The following BRWD1 variants were observed in gnomAD, a reference collection of about 807,000 sequenced individuals.
BRWD1 encodes bromodomain and WD repeat domain containing 1, also known as bromodomain and WD repeat-containing protein 1.
A neutral mutation model predicts 251.2 loss-of-function variants in BRWD1; 82 were observed. The ratio of observed to expected loss-of-function variants is 0.33; its 90% CI spans 0.27 to 0.39. The LOEUF (loss-of-function observed/expected upper bound fraction) is 0.39, where lower values mean the gene tolerates loss of function less well. Among genes scored for constraint, BRWD1 ranks in the 10% least tolerant of loss-of-function variants. BRWD1 has a pLI of 1.00. For synonymous variants in BRWD1, 918 were observed against 902.8 expected (o/e 1.02, Z -0.30); for missense variants, 2,233 against 2,711.6 (o/e 0.82, Z 3.92).
At chr21:39,224,358 G>T in intron 29 of BRWD1, 50 bp downstream of exon 29, 1 of 1,136,582 alleles carries the variant, frequency 8.8e-7, no homozygotes, top group Non-Finnish European at 1.3e-6. Flanking sequence ...ACTGGCAAAT[G>T]TACATATTAT....
At chr21:39,210,952 A>C in intron 34 of BRWD1, 23 bp from the exon 35 acceptor site, 1 of 1,603,946 alleles carries the variant, frequency 6.2e-7, no homozygotes, top group Non-Finnish European at 8.5e-7. Flanking sequence ...TCACAGTCTT[A>C]AGAAAAATCA....
At chr21:39,270,095 A>T in intron 14 of BRWD1, 62 bp from the exon 15 acceptor site, 1 of 1,390,184 alleles carries the variant, frequency 7.2e-7, no homozygotes, top group South Asian at 1.7e-5. Context: ...AAAATTTAAA[A>T]ATACATACTG....
rs762215752 is a variant in BRWD1 at position 39,199,220 on chromosome 21, A to G, written c.5196T>C (p.Asn1732=). 2.5e-6 allele frequency: 4 copies of G among 1,613,992 alleles called. No individual in the cohort carries two copies. The highest frequency in any genetic ancestry group is 2.2e-5 in the South Asian group (2 of 91,066). ...SESDLRVARK[N]WHANGYKSHT... Reference sequence around the variant, plus strand: ...GGGACTTGTAACCATTAGCATGCCAATTTTTCCGGGCTACCCGCAAATCAC... The same window carrying G: ...GGGACTTGTAACCATTAGCATGCCAGTTTTTCCGGGCTACCCGCAAATCAC... The change falls in exon 40 of 41, where the codon AAT becomes AAC. Residue 1732 remains asparagine (N), a synonymous_variant. Transcript: ENST00000342449.
In BRWD1 at chr21:39,255,280, CGG is replaced by C. The variant is rs1568920689; in HGVS notation, c.2255+363_2255+364del. Among the ~76,000 whole-genome samples, 463 of 151,732 alleles carry C rather than the reference CGG, an allele frequency of 3.1e-3. 2 individuals carry two copies. Among genetic ancestry groups the C allele is most frequent in the African/African-American group, 0.011 (443 of 41,362 alleles). ...ATAAAAAATTAGCTGGGTGTGGTGG[CGG>C]GCGCCTGTAAGCCCAGCTACTCAGG... On this transcript the variant is annotated intron_variant, in intron 19 of 40. Transcript: ENST00000342449.
chr21:39,235,806 G>A (rs146885885), intron 23 of BRWD1: 2 of 176,664 alleles, frequency 1.1e-5, no homozygotes, highest in Non-Finnish European at 2.5e-5. Flanking sequence ...CCCTATGCCA[G>A]CACCCAGTTT....
intron 15 of BRWD1, among the ~76,000 whole-genome samples, 169 bp from the exon 16 acceptor site, chr21:39,265,188 T>G (rs988038092): frequency 1.3e-5 from 2 of 150,030 alleles, no homozygotes; most frequent in Non-Finnish European, 3.0e-5. Context: ...CTTTATGAGG[T>G]GGAAGCAGGT....
intron 8 of BRWD1, among the ~76,000 whole-genome samples, chr21:39,282,775 T>C (rs762619650): frequency 1.3e-5 from 2 of 152,018 alleles, no homozygotes; most frequent in Non-Finnish European, 2.9e-5. Flanking sequence ...CTGATCAACA[T>C]GGTGAAACCC....
chr21:39,197,560 A>G, intron 40 of BRWD1, 145 bp from the exon 41 acceptor site: 1 of 655,708 alleles, frequency 1.5e-6, no homozygotes, highest in South Asian at 2.1e-5. Context: ...TAGTATAGTC[A>G]TATGTTGCTC....
At chr21:39,295,647 G>A in intron 7 of BRWD1, 96 bp downstream of exon 7, 2 of 1,040,676 alleles carry the variant, frequency 1.9e-6, no homozygotes, top group Non-Finnish European at 2.7e-6. Context: ...CAAAATCTCT[G>A]AGGATGGGAA....
At chr21:39,213,355 T>C in intron 33 of BRWD1, 126 bp downstream of exon 33, 1 of 786,062 alleles carries the variant, frequency 1.3e-6, no homozygotes, top group African/African-American at 1.8e-5. Flanking sequence ...AATATAATTT[T>C]ATCAAATGCC....
At chr21:39,271,063 G>A (rs749810495) in intron 13 of BRWD1, among the ~76,000 whole-genome samples, 15 of 152,120 alleles carry the variant, frequency 9.9e-5, no homozygotes, top group South Asian at 2.1e-4. Flanking sequence ...GGGAGACCGA[G>A]GCAGGCAGAT....
At chr21:39,219,991 A>ATCGG (rs749023375) in intron 29 of BRWD1, among the ~76,000 whole-genome samples, 2 of 152,162 alleles carry the variant, frequency 1.3e-5, no homozygotes. Context: ...CATCAAAAGG[A>ATCGG]AGAGGAAAGA....
At chr21:39,265,859 A>ATCC (rs2034902544) in intron 15 of BRWD1, among the ~76,000 whole-genome samples, 2 of 152,250 alleles carry the variant, frequency 1.3e-5, no homozygotes, top group Admixed American at 1.3e-4. Flanking sequence ...ACCCTAACAG[A>ATCC]GATTTCAGAA....
chr21:39,200,436 C>G, intron 38 of BRWD1, 50 bp from the exon 39 acceptor site: 1 of 1,504,094 alleles, frequency 6.6e-7, no homozygotes, highest in Non-Finnish European at 9.0e-7. Flanking sequence ...TGTCTTTACA[C>G]ACATAAGCAA....
chr21:39,293,114 C>T (rs1267146971), intron 8 of BRWD1, among the ~76,000 whole-genome samples: 2 of 152,126 alleles, frequency 1.3e-5, no homozygotes, highest in Non-Finnish European at 2.9e-5. Context: ...TTGACAGATA[C>T]ATAGGGGTTT....
At position 39,188,623 on chromosome 21, in the gene BRWD1, G is replaced by GTTCA. The variant is rs2031379439; in HGVS notation, c.*7632_*7635dup. 1 of 985,308 alleles carries GTTCA rather than the reference G, an allele frequency of 1.0e-6. No individual in the cohort carries two copies. Among genetic ancestry groups the GTTCA allele is most frequent in the Non-Finnish European group, 1.2e-6 (1 of 829,924 alleles). The allele number at this position is 985,308 out of a possible 1,614,324, so 61.0% of individuals were successfully genotyped here. ...AAAAACTGCTTCTGTGGACTGACAT[G>GTTCA]TTCATACAGCTAGACTAATGAGGCA... On this transcript the variant is annotated 3_prime_UTR_variant, in exon 41 of 41. Transcript: ENST00000342449.
At chr21:39,313,140 C>T (rs2036569098) in intron 2 of BRWD1, 39 bp from the exon 3 acceptor site, 3 of 1,495,410 alleles carry the variant, frequency 2.0e-6, no homozygotes, top group East Asian at 2.7e-5. Flanking sequence ...TGGGGTCGGG[C>T]CCGGGGCGCT....
intron 4 of BRWD1, among the ~76,000 whole-genome samples, chr21:39,311,333 A>C (rs1888487): frequency 2.0e-5 from 3 of 151,836 alleles, no homozygotes; most frequent in African/African-American, 7.3e-5. Flanking sequence ...ACAGCCGCCT[A>C]ATTTTCTGTT....
chr21:39,199,931 T>C (rs969032105), intron 39 of BRWD1, among the ~76,000 whole-genome samples: 2 of 152,178 alleles, frequency 1.3e-5, no homozygotes, highest in Non-Finnish European at 2.9e-5. Flanking sequence ...TTTGTATTTT[T>C]AGTAGAGACA....
Sources: allele counts gnomAD v4.1 joint callset (sites outside exome capture counted in the v4.1 genomes callset), GRCh38; gene constraint gnomAD v4.1.1; transcripts MANE v1.5; gene names NCBI Gene and HGNC (gene_info 2026-07-23, HGNC 2026-07-21).